PHKA2: variants seen among roughly 807,000 people sequenced by gnomAD.
The protein encoded by PHKA2 is phosphorylase kinase regulatory subunit alpha 2, also known as phosphorylase b kinase regulatory subunit alpha, liver isoform.
Under a neutral mutation model 102.0 loss-of-function variants are expected in PHKA2, and 31 were observed. The ratio of observed to expected loss-of-function variants is 0.30; its 90% confidence interval spans 0.23 to 0.41. PHKA2 has a LOEUF of 0.41. Among genes scored for constraint, PHKA2 ranks in the 10% least tolerant of loss-of-function variants. The pLI is 1.00. For synonymous variants in PHKA2, 455 were observed against 416.2 expected (o/e 1.09, Z -1.13); for missense variants, 858 against 1,023.1 (o/e 0.84, Z 2.20).
At chrX:18,967,223 A>G (rs1390098501) in intron 1 of PHKA2, among the ~76,000 whole-genome samples, 4 of 111,013 alleles carry the variant, frequency 3.6e-5, no homozygotes, top group Non-Finnish European at 7.6e-5. Context: ...AAGTCAGTGG[A>G]GCCTGTTACT....
chrX:18,945,871 A>G (rs752176723), intron 5 of PHKA2, among the ~76,000 whole-genome samples: 4 of 112,243 alleles, frequency 3.6e-5, no homozygotes, highest in African/African-American at 1.3e-4. Flanking sequence ...CACAAGACTG[A>G]TGCCAACATT....
chrX:18,965,395 T>G (rs768679533), intron 1 of PHKA2, among the ~76,000 whole-genome samples: 11 of 111,950 alleles, frequency 9.8e-5, no homozygotes, highest in Non-Finnish European at 1.5e-4. Context: ...CTAGTCAACT[T>G]TCAGCTGAAC....
intron 7 of PHKA2, among the ~76,000 whole-genome samples, chrX:18,943,192 T>C (rs1260140207): frequency 3.6e-5 from 4 of 111,887 alleles, no homozygotes; most frequent in East Asian, 5.6e-4. Context: ...CTCTGCTCAA[T>C]AGAATCCTCC....
At chrX:18,950,992 TA>T in intron 4 of PHKA2, 111 bp downstream of exon 4, 1 of 746,781 alleles carries the variant, frequency 1.3e-6, no homozygotes, top group East Asian at 3.3e-5. Context: ...GGTATTTTAT[TA>T]AAGCAGTGAA....
chrX:18,957,722 T>C (rs1393675484), intron 1 of PHKA2, among the ~76,000 whole-genome samples: 3 of 99,850 alleles, frequency 3.0e-5, no homozygotes, highest in Non-Finnish European at 5.8e-5. Flanking sequence ...TTTTCCTATG[T>C]GTTACTAAAA....
At chrX:18,957,953 G>A (rs765259815) in intron 1 of PHKA2, among the ~76,000 whole-genome samples, 62 of 109,195 alleles carry the variant, frequency 5.7e-4, no homozygotes, top group African/African-American at 1.7e-3. Context: ...TCTGCCTCCC[G>A]GGTTCAAGCA....
At position 18,899,204 on chromosome X, in the gene PHKA2, G is replaced by A. The variant is rs375184186; in HGVS notation, c.3080C>T (p.Ala1027Val). 12 of 1,208,354 alleles carry A rather than the reference G, an allele frequency of 9.9e-6. No individual in the cohort carries two copies. The highest frequency in any genetic ancestry group is 1.0e-5 in the Non-Finnish European group (9 of 893,664). ...DEQFFSVGQA[A>V]SSSAHSSKSA... ...CTTGGAGGAATGCGCACTGCTGGAC[G>A]CGGCCTGGCCCACAGAAAAGAACTA... Residue 1027 changes from alanine to valine, a missense_variant, in exon 29 of 33, where the codon GCG (alanine) becomes GTG (valine). By Grantham distance (64) the Ala-to-Val change is moderately conservative. Coordinates refer to ENST00000379942, the MANE Select transcript of PHKA2 (RefSeq NM_000292.3).
At chrX:18,911,873 C>T (rs2047934636) in intron 19 of PHKA2, among the ~76,000 whole-genome samples, 1 of 111,872 alleles carries the variant, frequency 8.9e-6, no homozygotes, top group Non-Finnish European at 1.9e-5. Flanking sequence ...CTTTTTCTTT[C>T]GGATGAGGAA....
rs192516995 is a variant in PHKA2, at chrX:18,954,123, T to C, written c.237+131A>G. 1,533 of 637,244 alleles carry C rather than the reference T, an allele frequency of 2.4e-3. 4 individuals carry two copies. The highest frequency in any genetic ancestry group is 3.6e-3 in the Non-Finnish European group (1,418 of 396,365). The allele number at this position is 637,244 out of a possible 1,213,427, so 52.5% of individuals were successfully genotyped here. A position where few individuals can be genotyped will look rare whatever the true frequency, so the allele number is the denominator to read the frequency against. ...AGATAATCTAAGTACCTCCCCAAAA[T>C]ATTCTATAGCAGAAATAGAGGAGAG... On this transcript the variant is annotated intron_variant, in intron 2 of 32. Coordinates refer to ENST00000379942, the MANE Select transcript of PHKA2 (RefSeq NM_000292.3).
Position 18,906,739 on chromosome X carries a change from C to G in PHKA2, c.2673G>C (p.Thr891=). The G allele has an allele frequency of 8.3e-7, 1 of 1,209,858 alleles. No individual in the cohort carries two copies. The highest frequency in any genetic ancestry group is 3.0e-5 in the East Asian group (1 of 33,824). ...CCCTCCCACACCAGCCCCAGACCTGCGTGAGGACGGCAATGCTGATGTCCT... is the reference window on the plus strand; with the variant it reads ...CCCTCCCACACCAGCCCCAGACCTGGGTGAGGACGGCAATGCTGATGTCCT... ...SGQDISIAVL[T]QEIVVYLAMY... Residue 891 remains threonine (T), a synonymous_variant, in exon 24 of 33, where the codon ACG becomes ACC. Transcript: ENST00000379942.
chrX:18,961,576 T>C (rs1037201556), intron 1 of PHKA2, among the ~76,000 whole-genome samples: 12 of 102,212 alleles, frequency 1.2e-4, no homozygotes, highest in African/African-American at 4.4e-4. Flanking sequence ...GATAATCACT[T>C]GAACCCGGGA....
At chrX:18,980,574 A>C (rs2049157326) in intron 1 of PHKA2, among the ~76,000 whole-genome samples, 1 of 112,247 alleles carries the variant, frequency 8.9e-6, no homozygotes. Flanking sequence ...TTTGTGACAC[A>C]GATTTCTTTG....
At chrX:18,926,390 C>T in intron 14 of PHKA2, 63 bp downstream of exon 14, 3 of 942,485 alleles carry the variant, frequency 3.2e-6, no homozygotes, top group Non-Finnish European at 4.6e-6. Flanking sequence ...CTCCCTCAGA[C>T]CCCAAATCTA....
At chrX:18,932,639 A>G (rs2083198217) in intron 11 of PHKA2, among the ~76,000 whole-genome samples, 1 of 111,176 alleles carries the variant, frequency 9.0e-6, no homozygotes, top group Non-Finnish European at 1.9e-5. Flanking sequence ...TAGTAATCAA[A>G]TAATCCAATA....
At chrX:18,955,527 C>G (rs1425603147) in intron 1 of PHKA2, among the ~76,000 whole-genome samples, 1 of 110,960 alleles carries the variant, frequency 9.0e-6, no homozygotes, top group African/African-American at 3.3e-5. Context: ...TTTTTAAAAG[C>G]CAGTCCTAAT....
intron 18 of PHKA2, among the ~76,000 whole-genome samples, chrX:18,919,075 A>AG (rs2048070078): frequency 9.0e-6 from 1 of 111,386 alleles, no homozygotes; most frequent in Non-Finnish European, 1.9e-5. Context: ...ACTTTATCCC[A>AG]GGAAAAAAAA....
intron 27 of PHKA2, 77 bp downstream of exon 27, chrX:18,901,408 G>C (rs2047678737): frequency 1.6e-6 from 1 of 642,410 alleles, no homozygotes; most frequent in Non-Finnish European, 2.6e-6. Context: ...TCATGCCCTA[G>C]GTTTCTGTCG....
intron 1 of PHKA2, 102 bp downstream of exon 1, chrX:18,983,753 T>A: frequency 1.4e-6 from 1 of 704,206 alleles, no homozygotes; most frequent in Non-Finnish European, 2.3e-6. Context: ...AGCAAACTCT[T>A]AATTGCAAGG....
At chrX:18,917,619 A>T (rs189105278) in intron 19 of PHKA2, among the ~76,000 whole-genome samples, 108 of 111,804 alleles carry the variant, frequency 9.7e-4, no homozygotes, top group South Asian at 1.5e-3. Context: ...TGGGTCTGGA[A>T]CATTTGTAGA....
Sources: gnomAD v4.1 joint callset for allele counts (sites outside exome capture counted in the v4.1 genomes callset) on GRCh38, gnomAD v4.1.1 for gene constraint, MANE v1.5 for transcripts, NCBI Gene and HGNC (gene_info 2026-07-23, HGNC 2026-07-21) for gene names.